The following MYO9A variants were observed in gnomAD, a reference collection of about 807,000 sequenced individuals.
The protein encoded by MYO9A is unconventional myosin-IXa.
A neutral mutation model predicts 293.3 loss-of-function variants in MYO9A; 103 were observed. The observed-to-expected ratio is 0.35, with a 90% confidence interval of 0.30 to 0.41. The LOEUF (loss-of-function observed/expected upper bound fraction) is 0.41, where lower values mean the gene tolerates loss of function less well. Among genes scored for constraint, MYO9A ranks in the 10% least tolerant of loss-of-function variants. The probability of loss-of-function intolerance (pLI) is 1.00; values close to 1 mark genes in which losing one functional copy is unlikely to be tolerated. For synonymous variants in MYO9A, 1,001 were observed against 1,035.7 expected, an observed-to-expected ratio of 0.97 and a Z score of 0.64; for missense variants, 2,685 against 3,033.0, an observed-to-expected ratio of 0.89 and a Z score of 2.69.
intron 2 of MYO9A, 117 bp downstream of exon 2, chr15:72,045,607 C>A: frequency 1.7e-6 from 2 of 1,176,258 alleles, no homozygotes; most frequent in Non-Finnish European, 2.3e-6. Flanking sequence ...CAGTATCTTG[C>A]TTGATCTACT....
At chr15:72,047,426 T>A (rs1023408577) in intron 1 of MYO9A, among the ~76,000 whole-genome samples, 3 of 152,226 alleles carry the variant, frequency 2.0e-5, no homozygotes, top group Admixed American at 1.3e-4. Flanking sequence ...TTTCTTCCCA[T>A]CTTCTCGAAC....
intron 1 of MYO9A, chr15:72,114,187 T>G (rs2080883772): frequency 6.6e-6 from 1 of 152,150 alleles, no homozygotes; most frequent in South Asian, 2.1e-4. Flanking sequence ...CAATAAGCAC[T>G]TCATTACTTA....
chr15:72,113,890 C>T (rs1243344946), intron 1 of MYO9A, among the ~76,000 whole-genome samples: 1 of 152,126 alleles, frequency 6.6e-6, no homozygotes, highest in Non-Finnish European at 1.5e-5. Flanking sequence ...AGGAGCTAAC[C>T]TCTTTTAAAA....
At chr15:71,944,746 T>G (rs1477130565) in intron 15 of MYO9A, among the ~76,000 whole-genome samples, 1 of 152,210 alleles carries the variant, frequency 6.6e-6, no homozygotes, top group Non-Finnish European at 1.5e-5. Context: ...ATGAATATTT[T>G]AGTCTTAAAA....
intron 13 of MYO9A, among the ~76,000 whole-genome samples, chr15:71,964,467 C>T (rs1596293839): frequency 2.0e-5 from 3 of 151,784 alleles, no homozygotes; most frequent in African/African-American, 4.8e-5. Flanking sequence ...GCCAACATGG[C>T]GAAACCCCAT....
At chr15:71,938,047 C>T (rs1380380640) in intron 16 of MYO9A, among the ~76,000 whole-genome samples, 1 of 152,026 alleles carries the variant, frequency 6.6e-6, no homozygotes, top group East Asian at 1.9e-4. Flanking sequence ...TGGCTAGATA[C>T]TTGGGCTGTG....
chr15:71,903,852 A>G lies in MYO9A; in HGVS notation c.2877+77T>C, dbSNP rs998402139. On this transcript the variant is annotated intron_variant, in intron 21 of 41. Coordinates refer to ENST00000356056, the MANE Select transcript of MYO9A (RefSeq NM_006901.4). ...ATTAAGGAAAATAAGTAAGCCCCAA[A>G]GAAATAATAAGCAAGATATGTGGGA... 2.1e-5 allele frequency: 27 copies of G among 1,266,854 alleles called. No homozygotes were observed. In the South Asian group the frequency reaches 3.6e-4, roughly 17 times the overall value. 78.5% of individuals were successfully genotyped at this position (1,266,854 alleles called of 1,614,324 possible). A position where few individuals can be genotyped will look rare whatever the true frequency, so the allele number is the denominator to read the frequency against.
intron 1 of MYO9A, among the ~76,000 whole-genome samples, chr15:72,112,635 T>C (rs1465499030): frequency 1.3e-5 from 2 of 152,252 alleles, no homozygotes; most frequent in Non-Finnish European, 2.9e-5. Flanking sequence ...ATTGTTTCTA[T>C]AACATAAATT....
chr15:72,080,572 T>C (rs2150361620), intron 1 of MYO9A, among the ~76,000 whole-genome samples: 1 of 152,154 alleles, frequency 6.6e-6, no homozygotes, highest in East Asian at 1.9e-4. Flanking sequence ...TTAAAAAATG[T>C]AAAAAGTGAG....
intron 39 of MYO9A, among the ~76,000 whole-genome samples, chr15:71,842,990 T>TCC (rs1463665312): frequency 6.6e-6 from 1 of 152,126 alleles, no homozygotes; most frequent in Non-Finnish European, 1.5e-5. Flanking sequence ...AAAGACCTTT[T>TCC]CCCCTCTCTG....
rs748589544 is a variant in MYO9A at position 71,933,723 on chromosome 15, T to C, written c.2523-14A>G. The C allele has an allele frequency of 6.3e-7, 1 of 1,589,292 alleles. No homozygotes were observed. ...TTTTTGTTTCTCCTATAGAGATAAA[T>C]CATTCATTAAAAAAAGCTACTGTAT... On this transcript the variant is annotated splice_polypyrimidine_tract_variant and intron_variant, in intron 17 of 41. Transcript: ENST00000356056.
At chr15:71,887,288 A>C (rs1417650659) in intron 27 of MYO9A, among the ~76,000 whole-genome samples, 1 of 152,164 alleles carries the variant, frequency 6.6e-6, no homozygotes, top group Non-Finnish European at 1.5e-5. Flanking sequence ...ATTATACTGA[A>C]GGGAACCAGT....
At chr15:71,939,279 G>A (rs1036973379) in intron 15 of MYO9A, among the ~76,000 whole-genome samples, 3 of 152,230 alleles carry the variant, frequency 2.0e-5, no homozygotes, top group South Asian at 2.1e-4. Context: ...TGTAACGGGG[G>A]TTTGTTGTGC....
At chr15:72,082,175 A>G (rs1235516537) in intron 1 of MYO9A, among the ~76,000 whole-genome samples, 1 of 152,064 alleles carries the variant, frequency 6.6e-6, no homozygotes, top group Non-Finnish European at 1.5e-5. Context: ...ATGTTTTTCT[A>G]TTAGTTTGTG....
intron 1 of MYO9A, among the ~76,000 whole-genome samples, chr15:72,103,644 A>G (rs201746281): frequency 7.9e-5 from 1 of 12,632 alleles, no homozygotes; most frequent in African/African-American, 9.0e-5. Context: ...GAAACAGAAG[A>G]AGCAGAAGTA....
At chr15:72,098,766 G>C (rs528477005) in intron 1 of MYO9A, among the ~76,000 whole-genome samples, 2 of 152,200 alleles carry the variant, frequency 1.3e-5, no homozygotes, top group Admixed American at 1.3e-4. Flanking sequence ...GAGCCCAGGA[G>C]TTCGAGACCA....
chr15:71,835,740 CAA>C (rs1268081601), intron 39 of MYO9A, among the ~76,000 whole-genome samples: 3 of 152,100 alleles, frequency 2.0e-5, no homozygotes, highest in East Asian at 3.9e-4. Flanking sequence ...ATAAAAATCC[CAA>C]GAGAATTTTT....
intron 1 of MYO9A, among the ~76,000 whole-genome samples, 189 bp downstream of exon 1, chr15:72,117,491 A>G (rs2081035303): frequency 6.6e-6 from 1 of 152,010 alleles, no homozygotes; most frequent in Non-Finnish European, 1.5e-5. Context: ...CGGCCAATGG[A>G]AGATACAGGG....
intron 19 of MYO9A, among the ~76,000 whole-genome samples, chr15:71,907,077 A>T (rs928141217): frequency 6.8e-6 from 1 of 146,090 alleles, no homozygotes; most frequent in East Asian, 2.0e-4. Flanking sequence ...ATATCTCCCA[A>T]TGCTATCCCT....
Sources: gnomAD v4.1 joint callset for allele counts (sites outside exome capture counted in the v4.1 genomes callset) on GRCh38, gnomAD v4.1.1 for gene constraint, MANE v1.5 for transcripts, NCBI Gene and HGNC (gene_info 2026-07-23, HGNC 2026-07-21) for gene names.